Variants in ACAA1 observed in about 807,000 individuals in gnomAD.
The protein encoded by ACAA1 is 3-ketoacyl-CoA thiolase, peroxisomal.
ACAA1 carries 44 observed loss-of-function variants against 48.8 expected under a neutral mutation model. The ratio of observed to expected loss-of-function variants is 0.90; its 90% CI spans 0.71 to 1.16. The LOEUF is 1.16. ACAA1 is among the 50% of genes most tolerant of loss of function. The pLI, the probability that ACAA1 is intolerant of heterozygous loss-of-function variation, is 0.00. For missense variants in ACAA1, 512 were observed against 562.3 expected (o/e 0.91, Z 0.90); for synonymous variants, 233 against 226.5 (o/e 1.03, Z -0.26).
chr3:38,136,541 C>G (rs1700897038), intron 2 of ACAA1, 51 bp downstream of exon 2: 1 of 1,604,152 alleles, frequency 6.2e-7, no homozygotes, highest in African/African-American at 1.3e-5. Context: ...GAGCTCTGGA[C>G]GAACGGAAGA....
rs1475308643 is a variant in ACAA1, at chr3:38,123,015, G to A, written c.*32C>T. ...GCCTTGCTGCTAGAGCAGCAGGACT[G>A]TCTGCGTAGCGCCTCCAGCCTGGGA... is the stretch of plus-strand genomic sequence containing the variant. On this transcript the variant is annotated 3_prime_UTR_variant, in exon 12 of 12. Coordinates refer to ENST00000333167, the MANE Select transcript of ACAA1 (RefSeq NM_001607.4). The A allele has an allele frequency of 2.5e-6, 4 of 1,609,014 alleles. No homozygotes were observed. The highest frequency in any genetic ancestry group is 3.4e-6 in the Non-Finnish European group (4 of 1,175,956).
At position 38,126,659 on chromosome 3, in the gene ACAA1, A is replaced by G. The variant is rs376130915; in HGVS notation, c.668T>C (p.Ile223Thr). 3.2e-5 allele frequency: 51 copies of G among 1,613,914 alleles called. No homozygotes were observed. Among genetic ancestry groups the G allele is most frequent in the Non-Finnish European group, 4.2e-5 (49 of 1,180,004 alleles). The change falls in exon 8 of 12, where the codon ATT becomes ACT. Residue 223 changes from isoleucine to threonine, a missense_variant. Coordinates refer to ENST00000333167, the MANE Select transcript of ACAA1 (RefSeq NM_001607.4). The surrounding 1 kb of genome is among the most constrained non-coding windows in gnomAD (Gnocchi z 4.7). ...ATGGACCGTGGTGGTCACAGGCACAATCTCAGCTTGGAAACAGCCCTTGCT... is the reference window on the plus strand; with the variant it reads ...ATGGACCGTGGTGGTCACAGGCACAGTCTCAGCTTGGAAACAGCCCTTGCT... ...AQSKGCFQAEIVPVTTTVHDD... is the reference protein window; with the variant it reads ...AQSKGCFQAETVPVTTTVHDD...
At chr3:38,131,708 C>A (rs1315349280) in intron 4 of ACAA1, 70 bp from the exon 5 acceptor site, 2 of 1,535,216 alleles carry the variant, frequency 1.3e-6, no homozygotes, top group Non-Finnish European at 1.8e-6. Context: ...GGAGCCTCTT[C>A]CCCACCTGGT....
At chr3:38,127,909 C>T (rs1700710856) in intron 6 of ACAA1, 43 bp from the exon 7 acceptor site, 17 of 1,604,210 alleles carry the variant, frequency 1.1e-5, no homozygotes, top group Non-Finnish European at 1.4e-5. Context: ...GGTCTGACAG[C>T]CTAGAGGAAG....
intron 7 of ACAA1, 103 bp downstream of exon 7, chr3:38,127,683 C>T: frequency 8.1e-7 from 1 of 1,234,226 alleles, no homozygotes; most frequent in Non-Finnish European, 1.2e-6. Context: ...AAAGCACTCA[C>T]TGCCCAGCAG....
At chr3:38,125,386 G>A in intron 11 of ACAA1, 179 bp downstream of exon 11, 1 of 638,752 alleles carries the variant, frequency 1.6e-6, no homozygotes, top group Non-Finnish European at 2.4e-6. Flanking sequence ...CACTACCTCT[G>A]GACCAGCCAA....
chr3:38,131,795 G>C, intron 4 of ACAA1, 131 bp downstream of exon 4: 1 of 1,202,532 alleles, frequency 8.3e-7, no homozygotes, highest in Non-Finnish European at 1.2e-6. Flanking sequence ...GCAGTGGTAG[G>C]GGGCGCTCCT....
In ACAA1 at chr3:38,126,765, C is replaced by G; in HGVS notation, c.627-65G>C. The G allele has an allele frequency of 6.3e-7, 1 of 1,589,634 alleles. No individual in the cohort carries two copies. Among genetic ancestry groups the G allele is most frequent in the Non-Finnish European group, 8.6e-7 (1 of 1,164,302 alleles). The stretch of plus-strand genomic sequence containing the variant: ...GGTTCCCTTCCTCCCTGCCCCCAAC[C>G]CCTATCCATTTGGGTAGACACAAGC... On this transcript the variant is annotated intron_variant, in intron 7 of 11. Transcript: ENST00000333167. This position sits in a 1 kb window ranked among gnomAD's most constrained non-coding sequence, Gnocchi z 4.7.
At chr3:38,127,025 T>C (rs1351562366) in intron 7 of ACAA1, among the ~76,000 whole-genome samples, 2 of 152,218 alleles carry the variant, frequency 1.3e-5, no homozygotes, top group Non-Finnish European at 2.9e-5. Context: ...CCCAGAAATA[T>C]CTGTGCTGGG....
At chr3:38,130,778 C>G (rs774778636) in intron 5 of ACAA1, among the ~76,000 whole-genome samples, 137 of 152,378 alleles carry the variant, frequency 9.0e-4, no homozygotes, top group Non-Finnish European at 1.2e-3. Context: ...TTATTTACAA[C>G]TGTAGACATA....
chr3:38,132,202 G>A (rs1575264869), intron 3 of ACAA1, 197 bp from the exon 4 acceptor site: 1 of 439,834 alleles, frequency 2.3e-6, no homozygotes, highest in Non-Finnish European at 4.2e-6. Flanking sequence ...ATCTCTGCAG[G>A]CACTTGCTCC....
Position 38,128,004 on chromosome 3 carries a change from G to T in ACAA1, c.546-138C>A. On this transcript the variant is annotated intron_variant, in intron 6 of 11. Transcript: ENST00000333167. ...GATGTAAGGGCCAGTCCATGCCACA[G>T]ACAGTAGTGATGACTCAGGATATGG... The T allele has an allele frequency of 3.9e-6, 3 of 770,746 alleles. No individual in the cohort carries two copies. In the South Asian group the frequency reaches 4.6e-5, roughly 12 times the overall value. 47.7% of individuals were successfully genotyped at this position (770,746 alleles called of 1,614,324 possible).
chr3:38,132,194 C>T (rs1030691676), intron 3 of ACAA1, 189 bp from the exon 4 acceptor site: 39 of 468,144 alleles, frequency 8.3e-5, no homozygotes, highest in Middle Eastern at 5.1e-4. Context: ...CAGACCCCAT[C>T]TCTGCAGGCA....
intron 11 of ACAA1, chr3:38,124,584 G>A (rs1238988098): frequency 6.6e-6 from 1 of 152,226 alleles, no homozygotes; most frequent in East Asian, 1.9e-4. Context: ...TCCAGCCTGG[G>A]CGCCTGAGTA....
Position 38,136,760 on chromosome 3 carries a change from G to C in ACAA1, c.172-75C>G, listed in dbSNP as rs1041260981. ...CCAGGGAGACAAAGCGACCACAGCT[G>C]GGTGCGGAGCTGCCTCCGGCGTCCA... On this transcript the variant is annotated intron_variant, in intron 1 of 11. Coordinates refer to ENST00000333167, the MANE Select transcript of ACAA1 (RefSeq NM_001607.4). 4.0e-6 allele frequency: 6 copies of C among 1,500,862 alleles called. No homozygotes were observed. The Admixed American group carries it at 1.4e-4, about 35-fold the overall frequency. 93.0% of individuals were successfully genotyped at this position (1,500,862 alleles called of 1,614,324 possible).
rs749367861 is a variant in ACAA1, at chr3:38,136,652, T to C, written c.205A>G (p.Met69Val). ...TTCACGTCCTTGAGAACCGCGGTCA[T>C]GACTGCCGAGAGAAGCTCGTCGGGG... is the stretch of plus-strand genomic sequence containing the variant. The part of the protein sequence containing the change: ...TTPDELLSAV[M>V]TAVLKDVNLR... The change falls in exon 2 of 12, where the codon ATG (methionine) becomes GTG (valine). Residue 69 changes from methionine to valine, a missense_variant. Transcript: ENST00000333167. The C allele has an allele frequency of 1.9e-6, 3 of 1,613,806 alleles. No homozygotes were observed. The South Asian group carries it at 3.3e-5, about 18-fold the overall frequency.
At chr3:38,132,116 G>T in intron 3 of ACAA1, 111 bp from the exon 4 acceptor site, 1 of 932,048 alleles carries the variant, frequency 1.1e-6, no homozygotes, top group Non-Finnish European at 1.7e-6. Flanking sequence ...AAGGGCAGGG[G>T]AACAAACCCA....
chr3:38,133,150 G>C (rs1296327225), intron 3 of ACAA1, among the ~76,000 whole-genome samples: 2 of 152,174 alleles, frequency 1.3e-5, no homozygotes, highest in African/African-American at 4.8e-5. Flanking sequence ...TGTTTAGGCA[G>C]GGTTTGTCTT....
intron 3 of ACAA1, 143 bp from the exon 4 acceptor site, chr3:38,132,148 GC>G: frequency 1.6e-6 from 1 of 644,676 alleles, no homozygotes; most frequent in Non-Finnish European, 2.7e-6. Flanking sequence ...CCCATGCCAG[GC>G]CAGATCCATG....
Sources: allele counts gnomAD v4.1 joint callset (sites outside exome capture counted in the v4.1 genomes callset), GRCh38; gene constraint gnomAD v4.1.1; non-coding constraint Gnocchi (gnomAD v3.1); transcripts MANE v1.5; gene names NCBI Gene and HGNC (gene_info 2026-07-23, HGNC 2026-07-21).